TTC27: variants seen among roughly 807,000 people sequenced by gnomAD.
TTC27 encodes the protein tetratricopeptide repeat domain 27.
TTC27 carries 79 observed loss-of-function variants against 115.9 expected under a neutral mutation model. The ratio of observed to expected loss-of-function variants is 0.68; its 90% CI spans 0.57 to 0.82. The LOEUF is 0.82. Ranked by LOEUF, TTC27 falls within the 40% of genes least tolerant of loss-of-function variation. The pLI is 0.00. For missense variants in TTC27, 1,054 were observed against 993.1 expected (o/e 1.06, Z -0.82); for synonymous variants, 401 against 356.0 (o/e 1.13, Z -1.42).
intron 16 of TTC27, among the ~76,000 whole-genome samples, chr2:32,800,845 T>C (rs936111645): frequency 1.4e-4 from 21 of 152,286 alleles, no homozygotes; most frequent in Admixed American, 1.2e-3. Flanking sequence ...ATTGTCATCA[T>C]TGAAAATGTG....
At chr2:32,653,919 T>TAAA (rs1665226729) in intron 5 of TTC27, among the ~76,000 whole-genome samples, 4 of 152,364 alleles carry the variant, frequency 2.6e-5, no homozygotes, top group Admixed American at 2.6e-4. Flanking sequence ...GTTATCTATC[T>TAAA]TCAAAGCTCA....
chr2:32,637,443 T>C (rs929006493), intron 3 of TTC27, among the ~76,000 whole-genome samples: 1 of 152,114 alleles, frequency 6.6e-6, no homozygotes, highest in Non-Finnish European at 1.5e-5. Flanking sequence ...GTGATTCTCC[T>C]GCCTCAGCCT....
At chr2:32,786,254 T>G (rs1325724813) in intron 15 of TTC27, among the ~76,000 whole-genome samples, 1 of 151,574 alleles carries the variant, frequency 6.6e-6, no homozygotes, top group Non-Finnish European at 1.5e-5. Context: ...CCTGAGTAGC[T>G]GGGATTACAG....
intron 8 of TTC27, among the ~76,000 whole-genome samples, chr2:32,678,577 G>T (rs1298174288): frequency 1.3e-5 from 2 of 151,888 alleles, no homozygotes; most frequent in Admixed American, 6.6e-5. Flanking sequence ...ACAGGTACTT[G>T]CCACCACGGC....
At position 32,649,207 on chromosome 2, in the gene TTC27, C is replaced by G. The variant is rs1410272700; in HGVS notation, c.538-924C>G. Among the ~76,000 whole-genome samples, 6 of 152,050 alleles carry G rather than the reference C, an allele frequency of 3.9e-5. No homozygotes were observed. The South Asian group carries it at 1.2e-3, about 32-fold the overall frequency. On this transcript the variant is annotated intron_variant, in intron 4 of 19. Transcript: ENST00000317907. ...AAGACTGTAAGGAAGAGGTTTCATA[C>G]AGGTGTGGAAGCAATCTTCTCAGAT...
In TTC27 at chr2:32,758,402, G is replaced by T. The variant is rs1669314710; in HGVS notation, c.1563G>T (p.Leu521Phe). ...DHSCYDKAWELSRYRSARAQR... is the reference protein window; with the variant it reads ...DHSCYDKAWEFSRYRSARAQR... ...CTTGCTATGACAAGGCCTGGGAGTT[G>T]TCCCGGTACCGCAGTGCTCGTGCTC... Residue 521 changes from leucine to phenylalanine, a missense_variant, in exon 13 of 20, where the codon TTG (leucine) becomes TTT (phenylalanine). Physicochemically the swap from Leu to Phe is conservative, Grantham distance 22 (BLOSUM62 0). Transcript: ENST00000317907. The T allele has an allele frequency of 6.2e-7, 1 of 1,614,100 alleles. No individual in the cohort carries two copies. The highest frequency in any genetic ancestry group is 1.3e-5 in the African/African-American group (1 of 74,926).
At chr2:32,743,910 A>G (rs957594716) in intron 12 of TTC27, among the ~76,000 whole-genome samples, 2 of 152,150 alleles carry the variant, frequency 1.3e-5, no homozygotes, top group African/African-American at 4.8e-5. Context: ...AGGATCTTTT[A>G]TGTTTCTGTT....
At chr2:32,799,443 C>T (rs1196077367) in intron 16 of TTC27, among the ~76,000 whole-genome samples, 1 of 152,178 alleles carries the variant, frequency 6.6e-6, no homozygotes, top group Non-Finnish European at 1.5e-5. Flanking sequence ...TCTCTCTAAG[C>T]ATCCAGGTCT....
intron 15 of TTC27, among the ~76,000 whole-genome samples, chr2:32,783,480 T>C (rs913206683): frequency 6.6e-6 from 1 of 152,126 alleles, no homozygotes; most frequent in African/African-American, 2.4e-5. Context: ...GTTAGAAAGG[T>C]AGGTTGAAGT....
intron 15 of TTC27, among the ~76,000 whole-genome samples, chr2:32,785,336 T>A (rs1388766667): frequency 2.0e-5 from 3 of 151,928 alleles, no homozygotes; most frequent in African/African-American, 4.8e-5. Flanking sequence ...ATGATCAAAA[T>A]TTTTTTTGAA....
intron 10 of TTC27, 47 bp downstream of exon 10, chr2:32,702,967 G>A: frequency 7.6e-7 from 1 of 1,307,984 alleles, no homozygotes; most frequent in Non-Finnish European, 1.1e-6. Context: ...ACTCTCTATT[G>A]CTATCAGTAA....
chr2:32,714,942 G>GT (rs1266476496), intron 10 of TTC27, among the ~76,000 whole-genome samples: 1 of 151,622 alleles, frequency 6.6e-6, no homozygotes, highest in East Asian at 1.9e-4. Context: ...GTTGTTTTTT[G>GT]TTTTTTGTTT....
intron 12 of TTC27, among the ~76,000 whole-genome samples, chr2:32,755,466 G>A (rs1003634291): frequency 3.9e-5 from 6 of 152,212 alleles, no homozygotes; most frequent in African/African-American, 1.2e-4. Flanking sequence ...GCCTGCAATC[G>A]CAGACACTCG....
rs147122821 is a variant in TTC27 at position 32,805,964 on chromosome 2, C to A, written c.1999-5060C>A. On this transcript the variant is annotated intron_variant, in intron 16 of 19. Coordinates refer to ENST00000317907, the MANE Select transcript of TTC27 (RefSeq NM_017735.5). ...ATTCTAGATCTAGCTGATCTTGATACTTGGTGTTTAGGTAGATAATATCTC... is the reference window on the plus strand; with the variant it reads ...ATTCTAGATCTAGCTGATCTTGATAATTGGTGTTTAGGTAGATAATATCTC... Among the ~76,000 whole-genome samples, 499 of 152,218 alleles carry A rather than the reference C, an allele frequency of 3.3e-3. 3 individuals carry two copies. Among genetic ancestry groups the A allele is most frequent in the African/African-American group, 0.011 (474 of 41,538 alleles).
intron 8 of TTC27, 107 bp downstream of exon 8, chr2:32,672,491 A>G: frequency 3.9e-6 from 3 of 770,278 alleles, no homozygotes; most frequent in Non-Finnish European, 4.4e-6. Context: ...ATGAATAGGG[A>G]ATTTTGTAGT....
intron 10 of TTC27, among the ~76,000 whole-genome samples, chr2:32,705,869 G>A (rs1486691780): frequency 6.6e-6 from 1 of 152,096 alleles, no homozygotes; most frequent in Non-Finnish European, 1.5e-5. Context: ...TATCTTCTCT[G>A]CATAAGTTAG....
intron 6 of TTC27, among the ~76,000 whole-genome samples, chr2:32,664,863 CG>C (rs1206252450): frequency 6.7e-6 from 1 of 149,642 alleles, no homozygotes; most frequent in Non-Finnish European, 1.5e-5. Flanking sequence ...GACCGAGTCT[CG>C]CTCTGTCGCC....
At chr2:32,753,088 C>T (rs1296280375) in intron 12 of TTC27, among the ~76,000 whole-genome samples, 5 of 152,136 alleles carry the variant, frequency 3.3e-5, no homozygotes, top group African/African-American at 1.2e-4. Context: ...GGGTCTCGGA[C>T]ACTTGGGGAC....
intron 3 of TTC27, among the ~76,000 whole-genome samples, chr2:32,639,745 T>C (rs1427124080): frequency 6.6e-6 from 1 of 152,214 alleles, no homozygotes; most frequent in Non-Finnish European, 1.5e-5. Flanking sequence ...AGCTTTCACC[T>C]GTAATCCCAG....
Sources: gnomAD v4.1 joint callset for allele counts (sites outside exome capture counted in the v4.1 genomes callset) on GRCh38, gnomAD v4.1.1 for gene constraint, MANE v1.5 for transcripts, NCBI Gene and HGNC (gene_info 2026-07-23, HGNC 2026-07-21) for gene names.